BIRC6: variants seen among roughly 807,000 people sequenced by gnomAD.
The protein encoded by BIRC6 is dual E2 ubiquitin-conjugating enzyme/E3 ubiquitin-protein ligase BIRC6.
BIRC6 carries 98 observed loss-of-function variants against 503.3 expected under a neutral mutation model. The observed-to-expected ratio is 0.19, with a 90% CI of 0.17 to 0.23. The LOEUF (loss-of-function observed/expected upper bound fraction) is 0.23. Ranked by LOEUF, BIRC6 falls within the 10% of genes least tolerant of loss-of-function variation. BIRC6 has a pLI of 1.00. For missense variants in BIRC6, 5,360 were observed against 5,806.0 expected (o/e 0.92, Z 2.50); for synonymous variants, 2,240 against 2,078.7 (o/e 1.08, Z -2.11).
Position 32,415,036 on chromosome 2 carries a change from C to G in BIRC6, c.1745C>G (p.Pro582Arg). ...LLTYKSPATS[P>R]ISSNSHRSLD... is the part of the protein sequence containing the mutation. Reference sequence around the variant, plus strand: ...ACATATAAATCTCCTGCTACCTCACCCATTAGTAGTAATTCTCACAGGTCA... The same window carrying G: ...ACATATAAATCTCCTGCTACCTCACGCATTAGTAGTAATTCTCACAGGTCA... Residue 582 changes from proline to arginine, a missense_variant, in exon 10 of 74, where the codon CCC becomes CGC. This residue lies in a region of BIRC6 where 700 missense variants were observed against 739.3 expected (regional missense o/e 0.95). Coordinates refer to ENST00000421745, the MANE Select transcript of BIRC6 (RefSeq NM_016252.4). The G allele has an allele frequency of 6.2e-7, 1 of 1,613,824 alleles. No homozygotes were observed. The highest frequency in any genetic ancestry group is 8.5e-7 in the Non-Finnish European group (1 of 1,179,868).
intron 45 of BIRC6, among the ~76,000 whole-genome samples, chr2:32,498,280 G>T (rs1056660280): frequency 1.3e-5 from 2 of 152,266 alleles, no homozygotes; most frequent in East Asian, 3.9e-4. Flanking sequence ...GGCCAGGGTA[G>T]TCTCGAACTC....
intron 42 of BIRC6, among the ~76,000 whole-genome samples, chr2:32,489,497 T>TA (rs1200041796): frequency 6.6e-6 from 1 of 151,732 alleles, no homozygotes; most frequent in East Asian, 1.9e-4. Context: ...TAAATATATA[T>TA]AAAAAATAAA....
chr2:32,445,338 T>G (rs990998944), intron 20 of BIRC6, among the ~76,000 whole-genome samples, 183 bp from the exon 21 acceptor site: 1 of 152,246 alleles, frequency 6.6e-6, no homozygotes, highest in African/African-American at 2.4e-5. Context: ...GTTTATATTT[T>G]AAGTGTCCTC....
chr2:32,536,670 TGTTTTG>T (rs1558999641), intron 61 of BIRC6, among the ~76,000 whole-genome samples: 1 of 152,214 alleles, frequency 6.6e-6, no homozygotes, highest in Non-Finnish European at 1.5e-5. Context: ...TCTGTATGTC[TGTTTTG>T]GTACCAGTAC....
intron 2 of BIRC6, among the ~76,000 whole-genome samples, chr2:32,378,685 G>C (rs2037191557): frequency 6.6e-6 from 1 of 152,098 alleles, no homozygotes; most frequent in African/African-American, 2.4e-5. Flanking sequence ...TTGAGCTCCT[G>C]ACTTCAATTG....
In BIRC6 at chr2:32,366,872, C is replaced by T. The variant is rs2035013751; in HGVS notation, c.325+9386C>T. Among the ~76,000 whole-genome samples, 6 of 151,452 alleles carry T rather than the reference C, an allele frequency of 4.0e-5. No homozygotes were observed. The South Asian group carries it at 1.3e-3, about 32-fold the overall frequency. ...TGGTGCATGCCTGTAGGCCCAGCCA[C>T]TTGGGAGGCTGAAGCAGGAGTATCA... On this transcript the variant is annotated intron_variant, in intron 1 of 73. Coordinates refer to ENST00000421745, the MANE Select transcript of BIRC6 (RefSeq NM_016252.4).
rs1413996583 is a variant in BIRC6 at position 32,368,095 on chromosome 2, A to C, written c.326-9493A>C. Among the ~76,000 whole-genome samples the C allele has an allele frequency of 1.3e-5, 2 of 152,180 alleles. 1 individual carries two copies. The highest frequency in any genetic ancestry group is 3.8e-4 in the East Asian group (2 of 5,200). The stretch of plus-strand genomic sequence containing the variant: ...TGGTTCTCAACCTTTGTTCATTTAG[A>C]ATCATCAGGGGAAATTTTAAGAAAA... On this transcript the variant is annotated intron_variant, in intron 1 of 73. Transcript: ENST00000421745.
intron 65 of BIRC6, among the ~76,000 whole-genome samples, chr2:32,560,287 TAAAC>T (rs2059080256): frequency 6.6e-6 from 1 of 152,296 alleles, no homozygotes; most frequent in African/African-American, 2.4e-5. Flanking sequence ...TTTTGTAAAA[TAAAC>T]ACACAATTTT....
At chr2:32,576,668 TGTTA>T (rs1432722098) in intron 66 of BIRC6, among the ~76,000 whole-genome samples, 1 of 152,196 alleles carries the variant, frequency 6.6e-6, no homozygotes, top group Non-Finnish European at 1.5e-5. Flanking sequence ...GAATAATTCT[TGTTA>T]GTCTTTGCCT....
chr2:32,473,696 T>C (rs1173541606), intron 33 of BIRC6, among the ~76,000 whole-genome samples: 3 of 150,484 alleles, frequency 2.0e-5, no homozygotes, highest in Non-Finnish European at 3.0e-5. Context: ...ATGTCTTTTT[T>C]CTCCTTTTTC....
chr2:32,377,453 T>C (rs2036977800), intron 1 of BIRC6, 135 bp from the exon 2 acceptor site: 1 of 562,074 alleles, frequency 1.8e-6, no homozygotes, highest in African/African-American at 2.0e-5. Flanking sequence ...CCCAATAATG[T>C]TCTTTAGAGA....
intron 50 of BIRC6, among the ~76,000 whole-genome samples, chr2:32,505,723 C>T (rs1486417497): frequency 2.0e-5 from 3 of 152,110 alleles, no homozygotes; most frequent in Non-Finnish European, 4.4e-5. Context: ...TTGTATCATT[C>T]GTTTGTTGCA....
chr2:32,509,589 A>T, intron 51 of BIRC6, 149 bp from the exon 52 acceptor site: 2 of 856,250 alleles, frequency 2.3e-6, no homozygotes, highest in Non-Finnish European at 3.5e-6. Context: ...CTGTCTGTTT[A>T]CTTAATTTGC....
chr2:32,421,543 A>G (rs1251770818), intron 10 of BIRC6, among the ~76,000 whole-genome samples: 1 of 151,832 alleles, frequency 6.6e-6, no homozygotes. Context: ...CCTTTTTTTC[A>G]TTTGGATCAA....
chr2:32,549,128 A>G (rs1345794936), intron 64 of BIRC6, 185 bp from the exon 65 acceptor site: 7 of 414,434 alleles, frequency 1.7e-5, no homozygotes, highest in Non-Finnish European at 2.6e-5. Flanking sequence ...TGTAAGCAAC[A>G]CTCTCAGACA....
At chr2:32,447,188 A>AT (rs1211158798) in intron 21 of BIRC6, among the ~76,000 whole-genome samples, 3 of 148,884 alleles carry the variant, frequency 2.0e-5, no homozygotes, top group Non-Finnish European at 3.0e-5. Flanking sequence ...CGATTTCTCA[A>AT]TTTTTTCCCC....
chr2:32,370,840 G>C (rs767995272), intron 1 of BIRC6, among the ~76,000 whole-genome samples: 2 of 152,030 alleles, frequency 1.3e-5, no homozygotes, highest in East Asian at 3.9e-4. Flanking sequence ...TTAAAATAGC[G>C]TTGAAGTCTG....
chr2:32,419,490 T>A (rs918099710), intron 10 of BIRC6, among the ~76,000 whole-genome samples: 1 of 151,884 alleles, frequency 6.6e-6, no homozygotes, highest in Non-Finnish European at 1.5e-5. Context: ...AAATTGAGAG[T>A]TTAAAGTGAA....
intron 55 of BIRC6, among the ~76,000 whole-genome samples, chr2:32,517,366 G>A (rs2055165124): frequency 6.6e-6 from 1 of 152,082 alleles, no homozygotes; most frequent in Non-Finnish European, 1.5e-5. Context: ...CAAAACAGAG[G>A]AAGAAGAGAA....
Sources: allele counts gnomAD v4.1 joint callset (sites outside exome capture counted in the v4.1 genomes callset), GRCh38; gene constraint gnomAD v4.1.1; regional missense constraint gnomAD v4.1.1; transcripts MANE v1.5; gene names NCBI Gene and HGNC (gene_info 2026-07-23, HGNC 2026-07-21).